TMEM131: variants seen among roughly 807,000 people sequenced by gnomAD.
TMEM131 encodes transmembrane protein 131, also known as 2610524E03Rik.
In TMEM131, 66 loss-of-function variants were observed where a neutral mutation model predicts 211.6. That is an observed-to-expected ratio of 0.31 (90% CI 0.26 to 0.38). The LOEUF (loss-of-function observed/expected upper bound fraction) is 0.38, where lower values mean the gene tolerates loss of function less well. Among genes scored for constraint, TMEM131 ranks in the 10% least tolerant of loss-of-function variants. The pLI is 1.00. For synonymous variants in TMEM131, 844 were observed against 841.3 expected (o/e 1.00, Z -0.06); for missense variants, 2,036 against 2,299.3 (o/e 0.89, Z 2.34).
At position 97,792,993 on chromosome 2, in the gene TMEM131, GGGA is replaced by G. The variant is rs1394440585; in HGVS notation, c.3546-12_3546-10del. ...AGCTGAGTGTGTTCAAGCTGAAAAA[GGGA>G]CCAACTGCAGATCAGTAAATAGCAA... is the stretch of plus-strand genomic sequence containing the variant. On this transcript the variant is annotated splice_polypyrimidine_tract_variant and intron_variant, in intron 30 of 40. Transcript: ENST00000186436. The G allele has an allele frequency of 6.6e-7, 1 of 1,516,020 alleles. No homozygotes were observed. The allele number at this position is 1,516,020 out of a possible 1,614,324, so 93.9% of individuals were successfully genotyped here.
intron 15 of TMEM131, 26 bp from the exon 16 acceptor site, chr2:97,812,775 T>A (rs1559375261): frequency 1.6e-6 from 2 of 1,288,296 alleles, no homozygotes; most frequent in Non-Finnish European, 2.2e-6. Context: ...AGAACCAGAT[T>A]AAAAAAAAGT....
intron 29 of TMEM131, among the ~76,000 whole-genome samples, chr2:97,793,796 C>T (rs1469874097): frequency 6.6e-6 from 1 of 151,634 alleles, no homozygotes; most frequent in Non-Finnish European, 1.5e-5. Flanking sequence ...AGATCGACAC[C>T]ATCCTGGCTA....
At chr2:97,847,210 C>T (rs1025467349) in intron 5 of TMEM131, among the ~76,000 whole-genome samples, 1 of 150,820 alleles carries the variant, frequency 6.6e-6, no homozygotes, top group Non-Finnish European at 1.5e-5. Context: ...CAAAGAAGTG[C>T]GAAAAAGAGA....
At chr2:97,758,069 T>G (rs1280782821) in intron 40 of TMEM131, among the ~76,000 whole-genome samples, 1 of 151,820 alleles carries the variant, frequency 6.6e-6, no homozygotes. Context: ...GAGGCGGAGC[T>G]TGCAGTGAGC....
chr2:97,916,814 T>C (rs1203528853), intron 2 of TMEM131, among the ~76,000 whole-genome samples: 2 of 152,192 alleles, frequency 1.3e-5, no homozygotes, highest in African/African-American at 2.4e-5. Flanking sequence ...TTAAACTCCC[T>C]GCACTTTAAT....
rs528643137 is a variant in TMEM131 at position 97,786,839 on chromosome 2, C to T, written c.4144+5547G>A. On this transcript the variant is annotated intron_variant, in intron 31 of 40. Transcript: ENST00000186436. ...TGCCATAGTCTCTGTAACAGAGCCA[C>T]GATATCCGTTCTACTATTCGATGTC... is the stretch of plus-strand genomic sequence containing the variant. 9.8e-5 allele frequency among the ~76,000 whole-genome samples: 15 copies of T among 152,308 alleles called. No individual in the cohort carries two copies. The South Asian group carries it at 2.5e-3, about 25-fold the overall frequency.
At chr2:97,796,154 C>T in intron 28 of TMEM131, 64 bp downstream of exon 28, 1 of 964,600 alleles carries the variant, frequency 1.0e-6, no homozygotes, top group Non-Finnish European at 1.5e-6. Context: ...AATATGAAAA[C>T]ATATCTTTGC....
At chr2:97,983,547 T>TA (rs1177549791) in intron 1 of TMEM131, among the ~76,000 whole-genome samples, 1 of 152,152 alleles carries the variant, frequency 6.6e-6, no homozygotes, top group African/African-American at 2.4e-5. Context: ...ATGTTTCTCA[T>TA]GATTAGGCAT....
chr2:97,984,064 C>T (rs1213743393), intron 1 of TMEM131, among the ~76,000 whole-genome samples: 1 of 152,164 alleles, frequency 6.6e-6, no homozygotes, highest in Non-Finnish European at 1.5e-5. Flanking sequence ...TAACACATAC[C>T]AAAGTTCCAG....
rs148582371 is a variant in TMEM131 at position 97,884,546 on chromosome 2, C to G, written c.359+3506G>C. Among the ~76,000 whole-genome samples, 156 of 152,264 alleles carry G rather than the reference C, an allele frequency of 1.0e-3. 1 individual carries two copies. The highest frequency in any genetic ancestry group is 3.6e-3 in the African/African-American group (151 of 41,550). Reference sequence around the variant, plus strand: ...TGAAATCCCCAACTCTATTATTGTACTGGGGTCTATCTCTCCCTTTAGATC... The same window carrying G: ...TGAAATCCCCAACTCTATTATTGTAGTGGGGTCTATCTCTCCCTTTAGATC... On this transcript the variant is annotated intron_variant, in intron 4 of 40. Coordinates refer to ENST00000186436, the MANE Select transcript of TMEM131 (RefSeq NM_015348.2).
In TMEM131 at chr2:97,849,715, CT is replaced by C. The variant is rs1430188237; in HGVS notation, c.484-5455del. Among the ~76,000 whole-genome samples the C allele has an allele frequency of 4.1e-5, 5 of 122,180 alleles. No individual in the cohort carries two copies. In the East Asian group the frequency reaches 6.2e-4, roughly 15 times the overall value. The allele number at this position is 122,180 out of a possible 152,430, so 80.2% of individuals were successfully genotyped here. Reference sequence around the variant, plus strand: ...TGTCTGTGTGTGTATATCTCTCTCTCTCTTTTTTTTTTTTTTTTTTTTTTTA... The same window carrying C: ...TGTCTGTGTGTGTATATCTCTCTCTCCTTTTTTTTTTTTTTTTTTTTTTTA... On this transcript the variant is annotated intron_variant, in intron 5 of 40. Coordinates refer to ENST00000186436, the MANE Select transcript of TMEM131 (RefSeq NM_015348.2).
At chr2:97,885,809 T>A (rs187414662) in intron 4 of TMEM131, among the ~76,000 whole-genome samples, 1 of 152,340 alleles carries the variant, frequency 6.6e-6, no homozygotes, top group Admixed American at 6.5e-5. Flanking sequence ...GACCTGGATG[T>A]CCATCTCAAA....
chr2:97,989,685 G>T (rs1230729903), intron 1 of TMEM131, among the ~76,000 whole-genome samples: 1 of 152,130 alleles, frequency 6.6e-6, no homozygotes, highest in Non-Finnish European at 1.5e-5. Context: ...ACTCTATCAT[G>T]ACTGACCATC....
chr2:97,809,627 C>T, intron 19 of TMEM131, 61 bp downstream of exon 19: 1 of 1,156,162 alleles, frequency 8.6e-7, no homozygotes, highest in Non-Finnish European at 1.3e-6. Flanking sequence ...TCTAGGAACA[C>T]AGAGCTAAAG....
intron 6 of TMEM131, among the ~76,000 whole-genome samples, chr2:97,843,609 G>C (rs1021601187): frequency 6.6e-6 from 1 of 152,066 alleles, no homozygotes; most frequent in African/African-American, 2.4e-5. Context: ...CAAAGTGCTG[G>C]GATTACAGGT....
intron 3 of TMEM131, among the ~76,000 whole-genome samples, chr2:97,906,180 C>T (rs1453462693): frequency 6.6e-6 from 1 of 152,150 alleles, no homozygotes; most frequent in South Asian, 2.1e-4. Context: ...AGCCCTTGAT[C>T]CTAGACTTCT....
In TMEM131 at chr2:97,797,400, A is replaced by T; in HGVS notation, c.2835T>A (p.Val945=). The T allele has an allele frequency of 3.7e-6, 6 of 1,611,874 alleles. No individual in the cohort carries two copies. In the East Asian group the frequency reaches 1.3e-4, roughly 36 times the overall value. The change falls in exon 26 of 41, where the codon GTT becomes GTA. Residue 945 remains valine (V), a synonymous_variant. Transcript: ENST00000186436. ...KKSVKVKFTP[V]HNRTVSSLII... is the part of the protein sequence containing the mutation. ...TAAGTGAAGAAACAGTTCTGTTGTG[A>T]ACTGGAGTAAACTTTACTTTGACAG...
At chr2:97,762,278 A>G (rs1404322061) in intron 35 of TMEM131, 78 bp from the exon 36 acceptor site, 4 of 1,416,420 alleles carry the variant, frequency 2.8e-6, no homozygotes, top group Admixed American at 1.8e-5. Flanking sequence ...AATGTTCTCT[A>G]AGACTATGCA....
intron 18 of TMEM131, among the ~76,000 whole-genome samples, 173 bp from the exon 19 acceptor site, chr2:97,809,947 C>T (rs1218142916): frequency 6.6e-6 from 1 of 151,980 alleles, no homozygotes; most frequent in Non-Finnish European, 1.5e-5. Context: ...CCAATGTACT[C>T]CATAAAATGT....
Sources: gnomAD v4.1 joint callset for allele counts (sites outside exome capture counted in the v4.1 genomes callset) on GRCh38, gnomAD v4.1.1 for gene constraint, MANE v1.5 for transcripts, NCBI Gene and HGNC (gene_info 2026-07-23, HGNC 2026-07-21) for gene names.